The following CNTNAP2 variants were observed in gnomAD, a reference collection of about 807,000 sequenced individuals.
CNTNAP2 encodes the protein contactin-associated protein-like 2.
CNTNAP2 carries 98 observed loss-of-function variants against 155.2 expected under a neutral mutation model. That is an observed-to-expected ratio of 0.63 (90% CI 0.54 to 0.75). The LOEUF (loss-of-function observed/expected upper bound fraction) is 0.75, where lower values mean the gene tolerates loss of function less well. Ranked by LOEUF, CNTNAP2 falls within the 30% of genes least tolerant of loss-of-function variation. CNTNAP2 has a pLI of 0.00. For missense variants in CNTNAP2, 1,727 were observed against 1,688.1 expected (o/e 1.02, Z -0.40); for synonymous variants, 651 against 631.2 (o/e 1.03, Z -0.47).
At chr7:147,283,231 A>G (rs2116730098) in intron 8 of CNTNAP2, among the ~76,000 whole-genome samples, 1 of 152,080 alleles carries the variant, frequency 6.6e-6, no homozygotes, top group South Asian at 2.1e-4. Context: ...GTTGTACATT[A>G]AATATATTCT....
intron 8 of CNTNAP2, among the ~76,000 whole-genome samples, chr7:147,232,441 G>C (rs1027336927): frequency 1.3e-5 from 2 of 152,172 alleles, no homozygotes; most frequent in Admixed American, 6.5e-5. Context: ...TTCAAATTAT[G>C]TTACAAGACT....
intron 1 of CNTNAP2, among the ~76,000 whole-genome samples, chr7:146,198,539 A>G (rs35491208): frequency 0.055 from 8,383 of 152,198 alleles, 265 homozygotes; most frequent in Middle Eastern, 0.099. Flanking sequence ...GCTTTAACGT[A>G]TTTAAATTTA....
At chr7:148,236,716 A>T (rs541266136) in intron 20 of CNTNAP2, among the ~76,000 whole-genome samples, 2 of 152,374 alleles carry the variant, frequency 1.3e-5, no homozygotes, top group South Asian at 2.1e-4. Flanking sequence ...GTTGGCTCAC[A>T]GTTCTGCAGG....
At chr7:146,555,016 G>T (rs1428749454) in intron 1 of CNTNAP2, among the ~76,000 whole-genome samples, 1 of 152,082 alleles carries the variant, frequency 6.6e-6, no homozygotes, top group African/African-American at 2.4e-5. Flanking sequence ...TAACTTATTT[G>T]CCAAATAAGA....
intron 7 of CNTNAP2, 133 bp downstream of exon 7, chr7:147,128,969 A>C (rs3807570): frequency 1.7e-6 from 2 of 1,143,798 alleles, no homozygotes; most frequent in Non-Finnish European, 2.6e-6. Context: ...ATGTAAAACA[A>C]ACATTAGAGT....
chr7:147,518,295 A>T (rs769575365), intron 11 of CNTNAP2, among the ~76,000 whole-genome samples: 2 of 152,240 alleles, frequency 1.3e-5, no homozygotes, highest in Non-Finnish European at 2.9e-5. Flanking sequence ...AATTTCAGAA[A>T]GAGAAAAAAT....
At chr7:147,780,645 C>T (rs1305810960) in intron 13 of CNTNAP2, among the ~76,000 whole-genome samples, 1 of 152,180 alleles carries the variant, frequency 6.6e-6, no homozygotes, top group African/African-American at 2.4e-5. Context: ...GAATGATTCA[C>T]TTTGAATTTG....
intron 11 of CNTNAP2, among the ~76,000 whole-genome samples, chr7:147,537,726 G>A (rs920317280): frequency 6.6e-6 from 1 of 152,164 alleles, no homozygotes; most frequent in Admixed American, 6.5e-5. Flanking sequence ...TCAAAGAAAC[G>A]CACATCTTTT....
intron 13 of CNTNAP2, among the ~76,000 whole-genome samples, chr7:147,758,471 A>G (rs1797249908): frequency 6.6e-6 from 1 of 152,172 alleles, no homozygotes; most frequent in South Asian, 2.1e-4. Context: ...TCCTGGCCAA[A>G]GCTAGTTCAG....
intron 1 of CNTNAP2, among the ~76,000 whole-genome samples, chr7:146,353,846 A>G (rs977929149): frequency 6.6e-6 from 1 of 152,184 alleles, no homozygotes; most frequent in Non-Finnish European, 1.5e-5. Context: ...ATTGATCTGT[A>G]TGAATAAGAT....
rs74301485 is a variant in CNTNAP2 at position 146,597,771 on chromosome 7, G to A, written c.98-176500G>A. On this transcript the variant is annotated intron_variant, in intron 1 of 23. Coordinates refer to ENST00000361727, the MANE Select transcript of CNTNAP2 (RefSeq NM_014141.6). ...AAATATACTATAATTTAAATTTTAC[G>A]TTGTTATTTTTATTAATGTGGGTAC... 1.5e-4 allele frequency among the ~76,000 whole-genome samples: 23 copies of A among 151,512 alleles called. No homozygotes were observed. The East Asian group carries it at 3.8e-3, about 25-fold the overall frequency.
chr7:147,916,660 G>A, intron 14 of CNTNAP2, among the ~76,000 whole-genome samples: 1 of 141,108 alleles, frequency 7.1e-6, no homozygotes. Flanking sequence ...AAAAGAGGGA[G>A]AGCTGTTATG....
At chr7:146,285,538 A>G (rs1800312352) in intron 1 of CNTNAP2, among the ~76,000 whole-genome samples, 1 of 152,054 alleles carries the variant, frequency 6.6e-6, no homozygotes, top group African/African-American at 2.4e-5. Flanking sequence ...TAAACTGTGA[A>G]TCCTTGGGAA....
At chr7:147,043,875 C>T (rs1272824604) in intron 3 of CNTNAP2, 32 bp from the exon 4 acceptor site, 2 of 1,613,122 alleles carry the variant, frequency 1.2e-6, no homozygotes, top group African/African-American at 1.3e-5. Flanking sequence ...AAGTATTTTT[C>T]CCAATTTTTA....
chr7:148,040,902 G>T (rs961871717), intron 15 of CNTNAP2, among the ~76,000 whole-genome samples: 1 of 152,076 alleles, frequency 6.6e-6, no homozygotes, highest in Non-Finnish European at 1.5e-5. Context: ...AGCACTTTGG[G>T]ATGCTGAGGC....
intron 2 of CNTNAP2, among the ~76,000 whole-genome samples, chr7:146,794,487 G>A (rs1347219043): frequency 6.6e-6 from 1 of 152,130 alleles, no homozygotes; most frequent in African/African-American, 2.4e-5. Flanking sequence ...AAACATATCA[G>A]TGTCAGAAAT....
At chr7:147,399,966 G>A (rs1176779785) in intron 10 of CNTNAP2, among the ~76,000 whole-genome samples, 1 of 152,090 alleles carries the variant, frequency 6.6e-6, no homozygotes, top group African/African-American at 2.4e-5. Context: ...CTCTGAGAAA[G>A]GTAAAATACC....
Position 147,425,342 on chromosome 7 carries a change from A to G in CNTNAP2, c.1670+29562A>G, listed in dbSNP as rs576624476. Among the ~76,000 whole-genome samples the G allele has an allele frequency of 4.9e-4, 74 of 151,924 alleles. No homozygotes were observed. In the South Asian group the frequency reaches 0.014, roughly 29 times the overall value. On this transcript the variant is annotated intron_variant, in intron 10 of 23. Coordinates refer to ENST00000361727, the MANE Select transcript of CNTNAP2 (RefSeq NM_014141.6). ...GAAAAATAGAGAGGATTTAAGTTGTATTTGCAATATTACCATGGTGCTTTA... is the reference window on the plus strand; with the variant it reads ...GAAAAATAGAGAGGATTTAAGTTGTGTTTGCAATATTACCATGGTGCTTTA...
chr7:146,513,171 C>G (rs1797492882), intron 1 of CNTNAP2, among the ~76,000 whole-genome samples: 1 of 151,616 alleles, frequency 6.6e-6, no homozygotes, highest in African/African-American at 2.4e-5. Context: ...CACTTTTATC[C>G]TATTTGTGTC....
Sources: gnomAD v4.1 joint callset for allele counts (sites outside exome capture counted in the v4.1 genomes callset) on GRCh38, gnomAD v4.1.1 for gene constraint, MANE v1.5 for transcripts, NCBI Gene and HGNC (gene_info 2026-07-23, HGNC 2026-07-21) for gene names.